The following PER2 variants were observed in gnomAD, a reference collection of about 807,000 sequenced individuals.
PER2 encodes period circadian regulator 2.
A neutral mutation model predicts 121.0 loss-of-function variants in PER2; 66 were observed. That is an observed-to-expected ratio of 0.55 (90% confidence interval 0.45 to 0.67). PER2 has a LOEUF of 0.67. PER2 is among the 30% of genes least tolerant of loss of function. The pLI, the probability that PER2 is intolerant of heterozygous loss-of-function variation, is 0.00. For missense variants in PER2, 1,521 were observed against 1,635.0 expected (o/e 0.93, Z 1.20); for synonymous variants, 684 against 659.9 (o/e 1.04, Z -0.56).
Position 238,273,125 on chromosome 2 carries a change from G to C in PER2, c.515C>G (p.Ser172Cys). The change falls in exon 5 of 23, where the codon TCC becomes TGC. Residue 172 changes from serine to cysteine, a missense_variant. Transcript: ENST00000254657. The part of the protein sequence containing the change: ...EGHPCGADVP[S>C]YTVEEMESVT... ...GCTCTCCATCTCCTCCACGGTGTAG[G>C]AGGGCACGTCTGCTCCACAGGGGTG... is the stretch of plus-strand genomic sequence containing the variant. The C allele has an allele frequency of 6.2e-7, 1 of 1,613,838 alleles. No homozygotes were observed. The highest frequency in any genetic ancestry group is 8.5e-7 in the Non-Finnish European group (1 of 1,179,746).
At chr2:238,273,772 A>G (rs1696367985) in intron 4 of PER2, among the ~76,000 whole-genome samples, 2 of 152,146 alleles carry the variant, frequency 1.3e-5, no homozygotes, top group South Asian at 4.1e-4. Flanking sequence ...GGTTCAAGCA[A>G]TTCTCCTGCC....
chr2:238,259,719 G>A (rs2106375015), intron 14 of PER2, among the ~76,000 whole-genome samples: 1 of 152,340 alleles, frequency 6.6e-6, no homozygotes, highest in African/African-American at 2.4e-5. Context: ...TGCACACCTA[G>A]CCACACCCCG....
the PER2 span, chr2:238,298,948 C>T: frequency 6.6e-6 from 1 of 152,258 alleles, no homozygotes; most frequent in South Asian, 2.1e-4. Flanking sequence ...AGATTTACAT[C>T]TCCTACAGCC....
At chr2:238,297,534 G>C in the PER2 span, among the ~76,000 whole-genome samples, 2 of 152,192 alleles carry the variant, frequency 1.3e-5, no homozygotes, top group African/African-American at 4.8e-5. Flanking sequence ...GCCTGGATCT[G>C]GGCTTCCCCA....
chr2:238,288,934 C>T (rs1049439477), upstream of PER2, among the ~76,000 whole-genome samples: 4 of 152,218 alleles, frequency 2.6e-5, no homozygotes, highest in Non-Finnish European at 5.9e-5. Context: ...GCTCTTTTTA[C>T]ATAAGACGCA....
At chr2:238,285,876 T>A (rs910598359) in intron 1 of PER2, among the ~76,000 whole-genome samples, 1 of 152,194 alleles carries the variant, frequency 6.6e-6, no homozygotes, top group Non-Finnish European at 1.5e-5. Context: ...TATTCTAACA[T>A]GTTTTCTACT....
rs539453580 is a variant in PER2 at position 238,269,483 on chromosome 2, C to T, written c.773-509G>A. 7.5e-4 allele frequency among the ~76,000 whole-genome samples: 103 copies of T among 136,450 alleles called. 2 individuals carry two copies. The highest frequency in any genetic ancestry group is 2.7e-3 in the African/African-American group (91 of 33,182). The allele number at this position is 136,450 out of a possible 152,430, so 89.5% of individuals were successfully genotyped here. ...ACCAACCTGCAACTGAACACACTCA[C>T]GGTGCACTGCTGCAAACACACCAAC... On this transcript the variant is annotated intron_variant, in intron 6 of 22. Transcript: ENST00000254657.
At position 238,255,806 on chromosome 2, in the gene PER2, C is replaced by G; in HGVS notation, c.2171G>C (p.Gly724Ala). Residue 724 changes from glycine (G) to alanine (A), a missense_variant, in exon 18 of 23, where the codon GGC (glycine) becomes GCC (alanine). Transcript: ENST00000254657. ...TGCAGCGAGTACCTCCTTGGTGAGG[C>G]CCAGCTTCTTGAAGGGCTCCTTCTC... is the stretch of plus-strand genomic sequence containing the variant. ...SQEKEPFKKL[G>A]LTKEVLAAHT... 1.2e-6 allele frequency: 2 copies of G among 1,614,186 alleles called. No individual in the cohort carries two copies. The highest frequency in any genetic ancestry group is 1.7e-6 in the Non-Finnish European group (2 of 1,180,010).
chr2:238,285,413 T>C (rs900025259), intron 1 of PER2, among the ~76,000 whole-genome samples: 1 of 152,204 alleles, frequency 6.6e-6, no homozygotes, highest in African/African-American at 2.4e-5. Flanking sequence ...TTCGTTACCC[T>C]ATCCTCCCCA....
intron 20 of PER2, among the ~76,000 whole-genome samples, 165 bp downstream of exon 20, chr2:238,251,434 T>C (rs1021054784): frequency 6.6e-6 from 1 of 152,232 alleles, no homozygotes; most frequent in African/African-American, 2.4e-5. Context: ...CCAGCCATGC[T>C]GAACAGGGAG....
chr2:238,289,152 C>G (rs1436163138), upstream of PER2: 1 of 152,184 alleles, frequency 6.6e-6, no homozygotes, highest in Non-Finnish European at 1.5e-5. Context: ...GCACCTCCGG[C>G]CGGCCTGGCA....
chr2:238,269,738 CAACT>C (rs1393342878), intron 6 of PER2, among the ~76,000 whole-genome samples: 2 of 152,212 alleles, frequency 1.3e-5, no homozygotes, highest in Non-Finnish European at 2.9e-5. Flanking sequence ...GCAAACACAC[CAACT>C]AACCGACAAC....
chr2:238,262,863 T>A, intron 10 of PER2, 89 bp downstream of exon 10: 1 of 882,792 alleles, frequency 1.1e-6, no homozygotes, highest in South Asian at 1.4e-5. Flanking sequence ...ATCTGACCTG[T>A]CAGAGCTAGA....
chr2:238,278,350 C>T (rs975910554), intron 1 of PER2, among the ~76,000 whole-genome samples: 4 of 152,164 alleles, frequency 2.6e-5, no homozygotes, highest in African/African-American at 9.7e-5. Flanking sequence ...AGATTACAGG[C>T]CAACCACACG....
In PER2 at chr2:238,253,275, C is replaced by T. The variant is rs1411540411; in HGVS notation, c.2748G>A (p.Gly916=). The T allele has an allele frequency of 6.2e-7, 1 of 1,610,960 alleles. No homozygotes were observed. The highest frequency in any genetic ancestry group is 1.3e-5 in the African/African-American group (1 of 74,862). The change falls in exon 19 of 23, where the codon GGG becomes GGA. Residue 916 remains glycine (G), a synonymous_variant. Transcript: ENST00000254657. This position sits in a 1 kb window ranked among gnomAD's most constrained non-coding sequence, Gnocchi z 5.6. ...FMLPSYSFPS[G]TPNLPQAFFP... is the part of the protein sequence containing the mutation. ...AGAAGGCCTGGGGCAGGTTTGGGGTCCCCGAGGGGAAGGAATAACTGGGTA... is the reference window on the plus strand; with the variant it reads ...AGAAGGCCTGGGGCAGGTTTGGGGTTCCCGAGGGGAAGGAATAACTGGGTA...
the PER2 span, chr2:238,295,932 G>T: frequency 4.4e-6 from 1 of 229,588 alleles, no homozygotes; most frequent in South Asian, 4.4e-5. Flanking sequence ...CGGATGGTTT[G>T]TTTGCATGAT....
chr2:238,267,682 A>C (rs1696151523), intron 8 of PER2, among the ~76,000 whole-genome samples: 1 of 152,296 alleles, frequency 6.6e-6, no homozygotes, highest in East Asian at 1.9e-4. Context: ...ACAGGGGCCC[A>C]TGAGGCTGAG....
At chr2:238,298,351 G>C in the PER2 span, 1 of 152,292 alleles carries the variant, frequency 6.6e-6, no homozygotes, top group East Asian at 1.9e-4. Context: ...TTGTTCTTAA[G>C]CCTGTTCCCT....
chr2:238,269,736 A>G (rs1696228481), intron 6 of PER2, among the ~76,000 whole-genome samples: 1 of 152,266 alleles, frequency 6.6e-6, no homozygotes, highest in East Asian at 1.9e-4. Flanking sequence ...CTGCAAACAC[A>G]CCAACTAACC....
Sources: gnomAD v4.1 joint callset for allele counts (sites outside exome capture counted in the v4.1 genomes callset) on GRCh38, gnomAD v4.1.1 for gene constraint, Gnocchi (gnomAD v3.1) non-coding constraint, MANE v1.5 for transcripts, NCBI Gene and HGNC (gene_info 2026-07-23, HGNC 2026-07-21) for gene names.